PRIM2: variants seen among roughly 807,000 people sequenced by gnomAD.
PRIM2 encodes DNA primase large subunit.
Under a neutral mutation model 67.3 loss-of-function variants are expected in PRIM2, and 39 were observed. The observed-to-expected ratio is 0.58, with a 90% CI of 0.45 to 0.76. The LOEUF is 0.76. Among genes scored for constraint, PRIM2 ranks in the 30% least tolerant of loss-of-function variants. The probability of loss-of-function intolerance (pLI) is 0.00; values close to 1 mark genes in which losing one functional copy is unlikely to be tolerated. For missense variants in PRIM2, 398 were observed against 598.7 expected (o/e 0.66, Z 3.50); for synonymous variants, 143 against 198.7 (o/e 0.72, Z 2.36).
chr6:57,469,326 ATTTT>A (rs1773281460), intron 7 of PRIM2, among the ~76,000 whole-genome samples: 1 of 152,180 alleles, frequency 6.6e-6, no homozygotes, highest in Non-Finnish European at 1.5e-5. Flanking sequence ...GAACTTTGGT[ATTTT>A]CACAGCAGGC....
chr6:57,626,237 A>G (rs1776947685), intron 12 of PRIM2, among the ~76,000 whole-genome samples: 1 of 152,240 alleles, frequency 6.6e-6, no homozygotes, highest in African/African-American at 2.4e-5. Flanking sequence ...CAAAAGAGAG[A>G]GAGGAATTTG....
chr6:57,478,345 T>G (rs1465065273), intron 7 of PRIM2, among the ~76,000 whole-genome samples: 2 of 150,744 alleles, frequency 1.3e-5, no homozygotes, highest in East Asian at 3.9e-4. Flanking sequence ...TTGTTTTTTT[T>G]TTTTTGAGAG....
intron 5 of PRIM2, among the ~76,000 whole-genome samples, chr6:57,338,422 C>G (rs1043627111): frequency 5.9e-5 from 9 of 151,816 alleles, no homozygotes; most frequent in Admixed American, 3.3e-4. Flanking sequence ...GAATTTGAGA[C>G]CAATATCCTT....
intron 10 of PRIM2, among the ~76,000 whole-genome samples, chr6:57,598,922 G>A (rs1776415434): frequency 1.5e-5 from 1 of 68,488 alleles, no homozygotes; most frequent in Admixed American, 1.4e-4. Context: ...GTAGGGCACA[G>A]TCTTGTGTGA....
At chr6:57,429,312 G>A (rs1200703117) in intron 7 of PRIM2, among the ~76,000 whole-genome samples, 1 of 152,140 alleles carries the variant, frequency 6.6e-6, no homozygotes, top group African/African-American at 2.4e-5. Context: ...AAGGCTGGAG[G>A]GACTCTTGCT....
intron 7 of PRIM2, among the ~76,000 whole-genome samples, chr6:57,489,798 C>T (rs1307024767): frequency 2.0e-5 from 3 of 152,236 alleles, no homozygotes; most frequent in Non-Finnish European, 4.4e-5. Context: ...GAGGAAATAC[C>T]TAAAATAACT....
chr6:57,270,465 G>T, the PRIM2 span, among the ~76,000 whole-genome samples: 52 of 152,148 alleles, frequency 3.4e-4, no homozygotes, highest in Admixed American at 2.4e-3. Flanking sequence ...TGTGATTTTT[G>T]TACATTGATT....
intron 5 of PRIM2, 91 bp from the exon 6 acceptor site, chr6:57,379,810 G>T: frequency 1.7e-6 from 2 of 1,143,824 alleles, no homozygotes; most frequent in South Asian, 1.9e-5. Flanking sequence ...TTTAATAAAA[G>T]TAAACAGTAT....
chr6:57,326,245 T>G (rs988930439), intron 5 of PRIM2, 200 bp downstream of exon 5: 2 of 485,566 alleles, frequency 4.1e-6, no homozygotes, highest in East Asian at 3.6e-5. Flanking sequence ...TAACAAAGTC[T>G]CACACTTACT....
intron 10 of PRIM2, among the ~76,000 whole-genome samples, chr6:57,555,531 C>T (rs1486101276): frequency 1.2e-4 from 18 of 152,184 alleles, no homozygotes; most frequent in African/African-American, 3.6e-4. Flanking sequence ...CCACCCGCCT[C>T]GGCCTCCCAA....
intron 5 of PRIM2, among the ~76,000 whole-genome samples, chr6:57,359,184 G>A (rs1769121117): frequency 6.6e-6 from 1 of 152,238 alleles, no homozygotes. Context: ...CAGTGTCTGG[G>A]TACAGGCTTT....
chr6:57,545,051 C>T (rs1287632130), intron 10 of PRIM2, among the ~76,000 whole-genome samples: 4 of 152,040 alleles, frequency 2.6e-5, no homozygotes, highest in African/African-American at 9.7e-5. Context: ...GAATTTAAGT[C>T]ATTTTAGTTG....
chr6:57,241,857 A>G, the PRIM2 span, among the ~76,000 whole-genome samples: 13 of 150,992 alleles, frequency 8.6e-5, no homozygotes, highest in African/African-American at 2.9e-4. Context: ...TATTTTTAGT[A>G]GAGATGGGGT....
At chr6:57,539,295 GAACTA>G (rs1775084429) in intron 10 of PRIM2, among the ~76,000 whole-genome samples, 1 of 152,030 alleles carries the variant, frequency 6.6e-6, no homozygotes, top group African/African-American at 2.4e-5. Context: ...CTAGTCTACA[GAACTA>G]AACACCACTG....
chr6:57,254,718 A>AC, the PRIM2 span, among the ~76,000 whole-genome samples: 2 of 40,696 alleles, frequency 4.9e-5, no homozygotes, highest in African/African-American at 7.9e-5. Flanking sequence ...AAACAAGTTT[A>AC]TTGGGGGTCT....
At chr6:57,386,880 G>A (rs1307646269) in intron 7 of PRIM2, among the ~76,000 whole-genome samples, 3 of 151,992 alleles carry the variant, frequency 2.0e-5, no homozygotes, top group Admixed American at 6.6e-5. Flanking sequence ...TTTGATGAGT[G>A]GTAGAGGATG....
intron 12 of PRIM2, among the ~76,000 whole-genome samples, chr6:57,610,516 T>C (rs1776648766): frequency 6.6e-6 from 1 of 151,926 alleles, no homozygotes; most frequent in Admixed American, 6.6e-5. Flanking sequence ...TGTTACAAAA[T>C]CACTGAAAAT....
At chr6:57,632,326 GTAT>G (rs1777048423) in intron 13 of PRIM2, 125 bp downstream of exon 13, 1 of 385,106 alleles carries the variant, frequency 2.6e-6, no homozygotes, top group Admixed American at 4.4e-5. Context: ...GGATTGCATG[GTAT>G]TAAGTAACTT....
chr6:57,504,723 G>T (rs1554347157), intron 7 of PRIM2, among the ~76,000 whole-genome samples: 1 of 152,130 alleles, frequency 6.6e-6, no homozygotes, highest in African/African-American at 2.4e-5. Flanking sequence ...TTAAAACATA[G>T]TTGGAAGCCA....
Sources: allele counts gnomAD v4.1 joint callset (sites outside exome capture counted in the v4.1 genomes callset), GRCh38; gene constraint gnomAD v4.1.1; transcripts MANE v1.5; gene names NCBI Gene and HGNC (gene_info 2026-07-23, HGNC 2026-07-21).